The following ARHGAP29 variants were observed in gnomAD, a reference collection of about 807,000 sequenced individuals.
ARHGAP29 encodes rho GTPase-activating protein 29.
ARHGAP29 carries 43 observed loss-of-function variants against 122.6 expected under a neutral mutation model. The ratio of observed to expected loss-of-function variants is 0.35; its 90% CI spans 0.27 to 0.45. The LOEUF (loss-of-function observed/expected upper bound fraction) is 0.45. ARHGAP29 is among the 20% of genes least tolerant of loss of function. ARHGAP29 has a pLI of 1.00. For synonymous variants in ARHGAP29, 506 were observed against 497.1 expected (o/e 1.02, Z -0.24); for missense variants, 1,303 against 1,477.2 (o/e 0.88, Z 1.93).
Position 94,188,826 on chromosome 1 carries a change from T to C in ARHGAP29, c.1681+11A>G. Reference sequence around the variant, plus strand: ...ATGAGTTTTCATTGCCAGACTTAAATATAGATGTACCTGGACTTATAGATT... The same window carrying C: ...ATGAGTTTTCATTGCCAGACTTAAACATAGATGTACCTGGACTTATAGATT... On this transcript the variant is annotated intron_variant, in intron 15 of 22. Transcript: ENST00000260526. The C allele has an allele frequency of 6.2e-7, 1 of 1,601,796 alleles. No individual in the cohort carries two copies. Among genetic ancestry groups the C allele is most frequent in the Non-Finnish European group, 8.5e-7 (1 of 1,172,514 alleles).
chr1:94,287,059 G>A, the ARHGAP29 span, among the ~76,000 whole-genome samples: 11 of 152,146 alleles, frequency 7.2e-5, no homozygotes, highest in African/African-American at 2.7e-4. Flanking sequence ...ACAAGTCCAG[G>A]GCTCTGGAAC....
Position 94,178,081 on chromosome 1 carries a change from G to C in ARHGAP29, c.2567C>G (p.Thr856Arg), listed in dbSNP as rs1406232388. 17 of 1,614,176 alleles carry C rather than the reference G, an allele frequency of 1.1e-5. No individual in the cohort carries two copies. The highest frequency in any genetic ancestry group is 1.4e-5 in the Non-Finnish European group (17 of 1,180,022). Residue 856 changes from threonine to arginine, a missense_variant, in exon 21 of 23, where the codon ACA (threonine) becomes AGA (arginine). Physicochemically the swap from Thr to Arg is moderately conservative, Grantham distance 71 (BLOSUM62 -1). Transcript: ENST00000260526. ...FGPSLIRPRP[T>R]TAPITISSLA... The stretch of plus-strand genomic sequence containing the variant: ...GGAGGAGATGGTGATAGGAGCAGTT[G>C]TGGGCCTTGGCCTAATGAGACTTGG...
chr1:94,226,671 G>A (rs1051763399), intron 2 of ARHGAP29, among the ~76,000 whole-genome samples: 3 of 151,244 alleles, frequency 2.0e-5, no homozygotes, highest in Non-Finnish European at 4.4e-5. Context: ...CTAGGCAAAC[G>A]CAGAAGAGGA....
chr1:94,301,378 T>A, the ARHGAP29 span, among the ~76,000 whole-genome samples: 1 of 152,138 alleles, frequency 6.6e-6, no homozygotes, highest in Non-Finnish European at 1.5e-5. Flanking sequence ...CGTGTCTAGA[T>A]CCAGCGGCTC....
Position 94,185,356 on chromosome 1 carries a change from C to A in ARHGAP29, c.1906G>T (p.Val636Phe). The A allele has an allele frequency of 6.3e-7, 1 of 1,599,830 alleles. No individual in the cohort carries two copies. ...DCEGIVVFQG[V>F]ECEECLLVCH... ...AAAGATCTTACCTCTTCACATTCAA[C>A]ACCTTGGAACACTACAATGCCTTCA... is the stretch of plus-strand genomic sequence containing the variant. Residue 636 changes from valine to phenylalanine, a missense_variant, in exon 17 of 23, where the codon GTT (valine) becomes TTT (phenylalanine). By Grantham distance (50) the Val-to-Phe change is conservative. Transcript: ENST00000260526.
At chr1:94,232,471 T>C (rs1652978707) in intron 1 of ARHGAP29, among the ~76,000 whole-genome samples, 1 of 152,128 alleles carries the variant, frequency 6.6e-6, no homozygotes. Context: ...TCTGACTGGT[T>C]AAATAAACAC....
In ARHGAP29 at chr1:94,174,019, T is replaced by C. The variant is rs1349663571; in HGVS notation, c.3636A>G (p.Ala1212=). The change falls in exon 23 of 23, where the codon GCA becomes GCG. Residue 1212 remains alanine, a synonymous_variant. Transcript: ENST00000260526. The part of the protein sequence containing the change: ...VVKSMPDPDK[A]SACPGQATGQ... ...CAGTTGCTTGCCCAGGACAAGCTGA[T>C]GCTTTGTCTGGGTCTGGCATTGACT... The C allele has an allele frequency of 1.2e-6, 2 of 1,614,214 alleles. No homozygotes were observed. Among genetic ancestry groups the C allele is most frequent in the Non-Finnish European group, 1.7e-6 (2 of 1,180,030 alleles).
the ARHGAP29 span, among the ~76,000 whole-genome samples, chr1:94,296,998 A>G: frequency 6.6e-6 from 1 of 152,144 alleles, no homozygotes; most frequent in East Asian, 1.9e-4. Flanking sequence ...TAGTGCAGGG[A>G]GGATGAGAAT....
chr1:94,260,861 CA>C (rs1654533347), intron 1 of ARHGAP29, among the ~76,000 whole-genome samples: 1 of 152,136 alleles, frequency 6.6e-6, no homozygotes, highest in Non-Finnish European at 1.5e-5. Context: ...CAGGATAACT[CA>C]AACTGCATTG....
chr1:94,281,405 C>A, the ARHGAP29 span, among the ~76,000 whole-genome samples: 1 of 152,102 alleles, frequency 6.6e-6, no homozygotes, highest in Admixed American at 6.5e-5. Flanking sequence ...AAGCACAAGG[C>A]AGGAGGTGTG....
Position 94,209,340 on chromosome 1 carries a change from G to A in ARHGAP29, c.351C>T (p.Phe117=), listed in dbSNP as rs764782951. Residue 117 remains phenylalanine, a synonymous_variant, in exon 4 of 23, where the codon TTC becomes TTT. Transcript: ENST00000260526. ...TTTTGTTTTCTTCATTAACTTCTGT[G>A]AAGTTCACAGCTGTAAGGAAAAGTT... ...MLTAKVKAVN[F]TEVNEENKND... 4 of 1,605,012 alleles carry A rather than the reference G, an allele frequency of 2.5e-6. No homozygotes were observed. Among genetic ancestry groups the A allele is most frequent in the Middle Eastern group, 3.5e-4 (2 of 5,686 alleles).
At chr1:94,212,580 T>C (rs2101555107) in intron 3 of ARHGAP29, among the ~76,000 whole-genome samples, 1 of 152,340 alleles carries the variant, frequency 6.6e-6, no homozygotes, top group East Asian at 1.9e-4. Context: ...ATTCTTACTT[T>C]CTTGTATTTT....
At position 94,184,169 on chromosome 1, in the gene ARHGAP29, C is replaced by G. The variant is rs201288992; in HGVS notation, c.2229G>C (p.Leu743Phe). The G allele has an allele frequency of 8.7e-6, 14 of 1,606,812 alleles. No homozygotes were observed. The African/African-American group carries it at 1.6e-4, about 18-fold the overall frequency. Residue 743 changes from leucine (L) to phenylalanine (F), a missense_variant, in exon 19 of 23, where the codon TTG (leucine) becomes TTC (phenylalanine). Physicochemically the swap from Leu to Phe is conservative, Grantham distance 22. Around this residue, in one of 3 missense-constraint regions of ARHGAP29, gnomAD observed 620 missense variants for 651.2 expected, o/e 0.95. Coordinates refer to ENST00000260526, the MANE Select transcript of ARHGAP29 (RefSeq NM_004815.4). ...TTTTTACCTGCCGAAGGTATAATTT[C>G]AAGACGTCACAGATATCATGTGAAC... is the stretch of plus-strand genomic sequence containing the variant. Reference protein sequence around the residue: ...EFSSHDICDVLKLYLRQLPEP... With the variant: ...EFSSHDICDVFKLYLRQLPEP...
chr1:94,225,303 CTT>C (rs1345634223), intron 2 of ARHGAP29, among the ~76,000 whole-genome samples: 6 of 152,232 alleles, frequency 3.9e-5, no homozygotes, highest in African/African-American at 1.4e-4. Flanking sequence ...ATACAAAACT[CTT>C]AGTTTCTCTG....
intron 3 of ARHGAP29, among the ~76,000 whole-genome samples, chr1:94,219,203 A>C (rs996210881): frequency 2.0e-5 from 3 of 152,088 alleles, no homozygotes; most frequent in Non-Finnish European, 4.4e-5. Context: ...TAGTTTTATT[A>C]CTTTGAATCC....
upstream of ARHGAP29, among the ~76,000 whole-genome samples, chr1:94,275,415 C>T (rs182873301): frequency 5.0e-4 from 76 of 152,268 alleles, no homozygotes; most frequent in African/African-American, 1.7e-3. Flanking sequence ...GTGTGGGAGT[C>T]AACTTTGTTG....
At chr1:94,271,848 G>A (rs1447365402) in intron 1 of ARHGAP29, among the ~76,000 whole-genome samples, 1 of 152,222 alleles carries the variant, frequency 6.6e-6, no homozygotes, top group Non-Finnish European at 1.5e-5. Flanking sequence ...AGGGGACAGA[G>A]CAAAGACTTC....
At chr1:94,272,894 C>T (rs368076709) in intron 1 of ARHGAP29, among the ~76,000 whole-genome samples, 6 of 152,130 alleles carry the variant, frequency 3.9e-5, no homozygotes, top group African/African-American at 1.4e-4. Context: ...AGCAGAGGGA[C>T]CTTATTTCTT....
chr1:94,265,280 C>T (rs539108445), intron 1 of ARHGAP29, among the ~76,000 whole-genome samples: 25 of 152,312 alleles, frequency 1.6e-4, no homozygotes, highest in Admixed American at 2.6e-4. Flanking sequence ...CATTGCTGAC[C>T]GGGTCTGGCT....
Sources: allele counts gnomAD v4.1 joint callset (sites outside exome capture counted in the v4.1 genomes callset), GRCh38; gene constraint gnomAD v4.1.1; regional missense constraint gnomAD v4.1.1; transcripts MANE v1.5; gene names NCBI Gene and HGNC (gene_info 2026-07-23, HGNC 2026-07-21).